IL6: variants seen among roughly 807,000 people sequenced by gnomAD.
The protein encoded by IL6 is interleukin 6.
Under a neutral mutation model 18.0 loss-of-function variants are expected in IL6, and 5 were observed. The ratio of observed to expected loss-of-function variants is 0.28; its 90% CI spans 0.15 to 0.58. The LOEUF (loss-of-function observed/expected upper bound fraction) is 0.58. Among genes scored for constraint, IL6 ranks in the 20% least tolerant of loss-of-function variants. IL6 has a pLI of 0.90. For synonymous variants in IL6, 97 were observed against 95.1 expected, an observed-to-expected ratio of 1.02 and a Z score of -0.12; for missense variants, 266 against 251.0, an observed-to-expected ratio of 1.06 and a Z score of -0.40.
At chr7:22,727,655 G>A (rs1784037997) in intron 2 of IL6, 21 bp downstream of exon 2, 2 of 1,530,738 alleles carry the variant, frequency 1.3e-6, no homozygotes, top group South Asian at 1.3e-5. Flanking sequence ...TTGGCGATGG[G>A]GTTGAAGGGC....
At position 22,731,651 on chromosome 7, in the gene IL6, ATGT is replaced by A; in HGVS notation, c.*83_*85del. 9.1e-7 allele frequency: 1 copy of A among 1,092,902 alleles called. No individual in the cohort carries two copies. Among genetic ancestry groups the A allele is most frequent in the Non-Finnish European group, 1.3e-6 (1 of 796,536 alleles). 67.7% of individuals were successfully genotyped at this position (1,092,902 alleles called of 1,614,324 possible). On this transcript the variant is annotated 3_prime_UTR_variant, in exon 5 of 5. Transcript: ENST00000258743. ...AACCTGTCCACTGGGCACAGAACTT[ATGT>A]TGTTCTCTATGGAGAACTAAAAGTA...
Position 22,728,794 on chromosome 7 carries a change from T to C in IL6, c.312T>C (p.Ser104=). Residue 104 remains serine (S), a synonymous_variant, in exon 3 of 5, where the codon TCT becomes TCC. Transcript: ENST00000258743. The stretch of plus-strand genomic sequence containing the variant: ...CTGAAAAAGATGGATGCTTCCAATC[T>C]GGATTCAATGAGGTACCAACTTGTC... ...KMAEKDGCFQ[S]GFNEETCLVK... is the part of the protein sequence containing the mutation. The C allele has an allele frequency of 6.2e-7, 1 of 1,603,252 alleles. No homozygotes were observed. The highest frequency in any genetic ancestry group is 8.5e-7 in the Non-Finnish European group (1 of 1,170,028).
In IL6 at chr7:22,727,507, C is replaced by A; in HGVS notation, c.83C>A (p.Ala28Asp). ...CTGGTGTTGCCTGCTGCCTTCCCTG[C>A]CCCAGTACCCCCAGGAGAAGATTCC... ...LLLVLPAAFP[A>D]PVPPGEDSKD... The change falls in exon 2 of 5, where the codon GCC becomes GAC. Residue 28 changes from alanine to aspartate, a missense_variant. By Grantham distance (126) the Ala-to-Asp change is moderately radical. Coordinates refer to ENST00000258743, the MANE Select transcript of IL6 (RefSeq NM_000600.5). 1 of 1,614,016 alleles carries A rather than the reference C, an allele frequency of 6.2e-7. No individual in the cohort carries two copies. Among genetic ancestry groups the A allele is most frequent in the Non-Finnish European group, 8.5e-7 (1 of 1,179,956 alleles).
Position 22,727,497 on chromosome 7 carries a change from G to A in IL6, c.73G>A (p.Ala25Thr). The A allele has an allele frequency of 6.2e-7, 1 of 1,614,064 alleles. No homozygotes were observed. The highest frequency in any genetic ancestry group is 8.5e-7 in the Non-Finnish European group (1 of 1,179,974). The change falls in exon 2 of 5, where the codon GCC becomes ACC. Residue 25 changes from alanine (A) to threonine (T), a missense_variant. Coordinates refer to ENST00000258743, the MANE Select transcript of IL6 (RefSeq NM_000600.5). Reference sequence around the variant, plus strand: ...GGGGCTGCTCCTGGTGTTGCCTGCTGCCTTCCCTGCCCCAGTACCCCCAGG... The same window carrying A: ...GGGGCTGCTCCTGGTGTTGCCTGCTACCTTCCCTGCCCCAGTACCCCCAGG... ...SLGLLLVLPAAFPAPVPPGED... is the reference protein window; with the variant it reads ...SLGLLLVLPATFPAPVPPGED...
chr7:22,728,974 G>T (rs1248216484), intron 3 of IL6, among the ~76,000 whole-genome samples, 168 bp downstream of exon 3: 1 of 152,178 alleles, frequency 6.6e-6, no homozygotes, highest in Non-Finnish European at 1.5e-5. Context: ...TTTAAAGGCA[G>T]TTTATTCTTG....
At chr7:22,730,138 G>A (rs1784099129) in intron 4 of IL6, 2 of 985,288 alleles carry the variant, frequency 2.0e-6, no homozygotes, top group African/African-American at 3.5e-5. Flanking sequence ...ACTCAAGGGT[G>A]GAAAGAGGTA....
At chr7:22,727,865 C>A (rs1784044378) in intron 2 of IL6, among the ~76,000 whole-genome samples, 1 of 152,178 alleles carries the variant, frequency 6.6e-6, no homozygotes, top group Non-Finnish European at 1.5e-5. Context: ...CCATGCCCAC[C>A]TTTGGCATGA....
chr7:22,730,769 G>A (rs1201471239), intron 4 of IL6, among the ~76,000 whole-genome samples: 1 of 152,142 alleles, frequency 6.6e-6, no homozygotes, highest in Non-Finnish European at 1.5e-5. Context: ...AACTTTGGGA[G>A]CCTAAGGTGA....
At chr7:22,729,780 AGT>A in intron 4 of IL6, 120 bp downstream of exon 4, 1 of 1,564,430 alleles carries the variant, frequency 6.4e-7, no homozygotes, top group Non-Finnish European at 8.7e-7. Flanking sequence ...TAAACAAAAG[AGT>A]CTGAGAAATA....
intron 2 of IL6, among the ~76,000 whole-genome samples, chr7:22,728,234 C>T (rs1353139482): frequency 6.6e-6 from 1 of 152,158 alleles, no homozygotes; most frequent in Non-Finnish European, 1.5e-5. Flanking sequence ...CCAAACCAGC[C>T]TTGTGATCTT....
chr7:22,727,369 C>A, intron 1 of IL6, 75 bp from the exon 2 acceptor site: 1 of 1,613,236 alleles, frequency 6.2e-7, no homozygotes, highest in South Asian at 1.1e-5. Flanking sequence ...GGAGGGCTGG[C>A]GGGCGGCCAG....
chr7:22,729,553 T>C lies in IL6; in HGVS notation c.364T>C (p.Phe122Leu). Residue 122 changes from phenylalanine (F) to leucine (L), a missense_variant, in exon 4 of 5, where the codon TTT becomes CTT. Phe to Leu is a conservative substitution (Grantham distance 22, BLOSUM62 0). Coordinates refer to ENST00000258743, the MANE Select transcript of IL6 (RefSeq NM_000600.5). ...GAAAATCATCACTGGTCTTTTGGAG[T>C]TTGAGGTATACCTAGAGTACCTCCA... Reference protein sequence around the residue: ...LVKIITGLLEFEVYLEYLQNR... With the variant: ...LVKIITGLLELEVYLEYLQNR... 3 of 1,614,148 alleles carry C rather than the reference T, an allele frequency of 1.9e-6. No homozygotes were observed. The South Asian group carries it at 3.3e-5, about 18-fold the overall frequency.
intron 4 of IL6, among the ~76,000 whole-genome samples, chr7:22,731,066 T>C (rs980591398): frequency 1.3e-5 from 2 of 151,864 alleles, no homozygotes; most frequent in African/African-American, 4.8e-5. Context: ...TAAAACCCCA[T>C]CTCTACTTAA....
rs749944885 is a variant in IL6 at position 22,731,401 on chromosome 7, T to C, written c.472-5T>C. ...ACAATCCTTTTTACTTTCATTTTCC[T>C]TCAGGCAAAGAATCTAGATGCAATA... On this transcript the variant is annotated splice_region_variant and splice_polypyrimidine_tract_variant and intron_variant, in intron 4 of 4. Transcript: ENST00000258743. 1 of 1,564,934 alleles carries C rather than the reference T, an allele frequency of 6.4e-7. No individual in the cohort carries two copies. Among genetic ancestry groups the C allele is most frequent in the East Asian group, 2.3e-5 (1 of 43,926 alleles).
At chr7:22,730,815 C>A (rs1784111368) in intron 4 of IL6, among the ~76,000 whole-genome samples, 1 of 152,014 alleles carries the variant, frequency 6.6e-6, no homozygotes, top group Non-Finnish European at 1.5e-5. Flanking sequence ...GAGTTCAAGA[C>A]CAGCCTGGAT....
At chr7:22,729,803 G>C (rs2128174711) in intron 4 of IL6, 143 bp downstream of exon 4, 3 of 1,538,230 alleles carry the variant, frequency 2.0e-6, no homozygotes, top group Middle Eastern at 1.7e-4. Flanking sequence ...GTTTCTGATT[G>C]TTATTGTTAA....
intron 3 of IL6, 99 bp from the exon 4 acceptor site, chr7:22,729,412 AGAG>A (rs1189637248): frequency 9.0e-7 from 1 of 1,106,248 alleles, no homozygotes; most frequent in Non-Finnish European, 1.3e-6. Context: ...GAAGTTCTCT[AGAG>A]GAGCAGAGGG....
chr7:22,727,372 G>A, intron 1 of IL6, 72 bp from the exon 2 acceptor site: 1 of 1,613,376 alleles, frequency 6.2e-7, no homozygotes, highest in Non-Finnish European at 8.5e-7. Flanking sequence ...GGGCTGGCGG[G>A]CGGCCAGCAG....
rs2069847 is a variant in IL6, at chr7:22,730,989, G to A, written c.472-417G>A. ...GGCACAGTGCTGATATAATCCCAGC[G>A]CTATGGGAGGCTGAGGTGGGTGGAT... On this transcript the variant is annotated intron_variant, in intron 4 of 4. Coordinates refer to ENST00000258743, the MANE Select transcript of IL6 (RefSeq NM_000600.5). Among the ~76,000 whole-genome samples, 815 of 152,166 alleles carry A rather than the reference G, an allele frequency of 5.4e-3. 13 individuals carry two copies. Among genetic ancestry groups the A allele is most frequent in the African/African-American group, 0.017 (721 of 41,506 alleles).
Sources: gnomAD v4.1 joint callset for allele counts (sites outside exome capture counted in the v4.1 genomes callset) on GRCh38, gnomAD v4.1.1 for gene constraint, MANE v1.5 for transcripts, NCBI Gene and HGNC (gene_info 2026-07-23, HGNC 2026-07-21) for gene names.